FASTKD1: variants seen among roughly 807,000 people sequenced by gnomAD.
The protein encoded by FASTKD1 is FAST kinase domain-containing protein 1, mitochondrial.
Under a neutral mutation model 90.9 loss-of-function variants are expected in FASTKD1, and 94 were observed. The observed-to-expected ratio is 1.03, with a 90% CI of 0.88 to 1.23. The LOEUF (loss-of-function observed/expected upper bound fraction) is 1.23, where lower values mean the gene tolerates loss of function less well. FASTKD1 is among the 50% of genes most tolerant of loss of function. FASTKD1 has a pLI of 0.00. For synonymous variants in FASTKD1, 319 were observed against 345.8 expected (o/e 0.92, Z 0.86); for missense variants, 945 against 993.5 (o/e 0.95, Z 0.66).
intron 12 of FASTKD1, 173 bp from the exon 13 acceptor site, chr2:169,531,663 A>C: frequency 1.9e-6 from 1 of 534,548 alleles, no homozygotes; most frequent in East Asian, 3.0e-5. Flanking sequence ...GTCCAATGGC[A>C]CCTCTCTTTG....
chr2:169,539,517 G>A (rs577863707), intron 10 of FASTKD1, among the ~76,000 whole-genome samples: 7 of 151,560 alleles, frequency 4.6e-5, no homozygotes, highest in African/African-American at 1.2e-4. Flanking sequence ...ACCTATAATC[G>A]CAGCATCTGG....
chr2:169,537,172 T>C, intron 12 of FASTKD1, 55 bp downstream of exon 12: 2 of 1,031,260 alleles, frequency 1.9e-6, no homozygotes, highest in Non-Finnish European at 3.0e-6. Flanking sequence ...AAGATGATTC[T>C]ATTCAAATTA....
intron 3 of FASTKD1, among the ~76,000 whole-genome samples, chr2:169,567,475 GAC>G (rs552765007): frequency 1.7e-3 from 260 of 152,270 alleles, no homozygotes; most frequent in African/African-American, 5.9e-3. Flanking sequence ...TATAAAAGAA[GAC>G]AGATGGGTTT....
At position 169,557,276 on chromosome 2, in the gene FASTKD1, C is replaced by T; in HGVS notation, c.993G>A (p.Leu331=). Residue 331 remains leucine (L), a synonymous_variant, in exon 6 of 15, where the codon TTG becomes TTA. Coordinates refer to ENST00000453153, the MANE Select transcript of FASTKD1 (RefSeq NM_024622.6). ...EKKQLKSTML[L]MSEDLTGEQA... ...GCTCGCCAGTTAGGTCCTCTGACATCAATAACATAGTTGATTTAAGTCTAG... is the reference window on the plus strand; with the variant it reads ...GCTCGCCAGTTAGGTCCTCTGACATTAATAACATAGTTGATTTAAGTCTAG... The T allele has an allele frequency of 6.3e-7, 1 of 1,591,042 alleles. No homozygotes were observed. Among genetic ancestry groups the T allele is most frequent in the Non-Finnish European group, 8.6e-7 (1 of 1,168,034 alleles).
At chr2:169,569,592 T>C (rs1271238827) in intron 2 of FASTKD1, among the ~76,000 whole-genome samples, 3 of 152,220 alleles carry the variant, frequency 2.0e-5, no homozygotes, top group African/African-American at 4.8e-5. Context: ...GGCTCACACC[T>C]GTAATCCCAG....
In FASTKD1 at chr2:169,540,175, T is replaced by C. The variant is rs1166053548; in HGVS notation, c.1821A>G (p.Ile607Met). The C allele has an allele frequency of 6.4e-7, 1 of 1,551,462 alleles. No homozygotes were observed. ...GAAACACTAATATAAAAGGATCCAA[T>C]ATACCTAAAAGAAAATTAAGATTTT... ...CVQHLNSYLG[I>M]LDPFILVFLG... Residue 607 changes from isoleucine to methionine, a missense_variant, in exon 10 of 15, where the codon ATA becomes ATG. By Grantham distance (10) the Ile-to-Met change is conservative. Coordinates refer to ENST00000453153, the MANE Select transcript of FASTKD1 (RefSeq NM_024622.6).
At chr2:169,563,657 A>AT (rs922438663) in intron 3 of FASTKD1, among the ~76,000 whole-genome samples, 1 of 152,144 alleles carries the variant, frequency 6.6e-6, no homozygotes, top group African/African-American at 2.4e-5. Flanking sequence ...AGTGCTATGA[A>AT]TTTTTTTAAT....
chr2:169,540,702 A>G lies in FASTKD1; in HGVS notation c.1817-523T>C, dbSNP rs551466360. Among the ~76,000 whole-genome samples the G allele has an allele frequency of 5.3e-5, 8 of 152,362 alleles. No individual in the cohort carries two copies. The South Asian group carries it at 1.5e-3, about 28-fold the overall frequency. ...TATCTCCACTTTATAAATAAGCATT[A>G]GGAAGCAGAGAGGTTAAATGACTTG... On this transcript the variant is annotated intron_variant, in intron 9 of 14. Coordinates refer to ENST00000453153, the MANE Select transcript of FASTKD1 (RefSeq NM_024622.6).
At chr2:169,567,608 C>T (rs1684044958) in intron 3 of FASTKD1, among the ~76,000 whole-genome samples, 1 of 152,060 alleles carries the variant, frequency 6.6e-6, no homozygotes, top group Non-Finnish European at 1.5e-5. Flanking sequence ...CAGAGTTTAC[C>T]AATATATAAG....
intron 14 of FASTKD1, 73 bp from the exon 15 acceptor site, chr2:169,529,999 C>T: frequency 2.0e-6 from 2 of 991,686 alleles, no homozygotes; most frequent in Non-Finnish European, 3.1e-6. Context: ...GACATATAAG[C>T]ACTACTGATC....
chr2:169,539,773 C>CA lies in FASTKD1; in HGVS notation c.1945+277dup, dbSNP rs1239528716. On this transcript the variant is annotated intron_variant, in intron 10 of 14. Transcript: ENST00000453153. The stretch of plus-strand genomic sequence containing the variant: ...AGTGAGACCCTGTCTCAAAACAAAA[C>CA]AAAAAAACACAGATATATAATCATT... Among the ~76,000 whole-genome samples, 9 of 151,610 alleles carry CA rather than the reference C, an allele frequency of 5.9e-5. No individual in the cohort carries two copies. In the East Asian group the frequency reaches 1.4e-3, roughly 23 times the overall value.
Position 169,563,922 on chromosome 2 carries a change from A to C in FASTKD1, c.447-572T>G, listed in dbSNP as rs551028554. On this transcript the variant is annotated intron_variant, in intron 3 of 14. Transcript: ENST00000453153. ...CATAATGGATAAATCCTTAAAACAT[A>C]CTGAGCAAACTAAACTATAAGGGTA... Among the ~76,000 whole-genome samples the C allele has an allele frequency of 3.3e-5, 5 of 152,330 alleles. No homozygotes were observed. The South Asian group carries it at 8.3e-4, about 25-fold the overall frequency.
chr2:169,571,481 G>C (rs536889939), intron 2 of FASTKD1, among the ~76,000 whole-genome samples, 172 bp downstream of exon 2: 1 of 147,806 alleles, frequency 6.8e-6, no homozygotes, highest in African/African-American at 2.5e-5. Context: ...GGAGAATGGC[G>C]TGAACCTGGG....
chr2:169,550,246 C>T (rs1685427213), intron 7 of FASTKD1, among the ~76,000 whole-genome samples: 1 of 152,068 alleles, frequency 6.6e-6, no homozygotes, highest in African/African-American at 2.4e-5. Context: ...AATTATGGTA[C>T]AGTCATATGA....
At chr2:169,555,290 A>T (rs1328503121) in intron 6 of FASTKD1, 35 bp from the exon 7 acceptor site, 1 of 1,558,642 alleles carries the variant, frequency 6.4e-7, no homozygotes, top group East Asian at 2.3e-5. Flanking sequence ...TAACCAGTTC[A>T]TTCATTTATT....
At chr2:169,570,803 G>A (rs1345289819) in intron 2 of FASTKD1, among the ~76,000 whole-genome samples, 1 of 151,760 alleles carries the variant, frequency 6.6e-6, no homozygotes, top group Non-Finnish European at 1.5e-5. Flanking sequence ...AGCCTCCAGA[G>A]TAGCTGGGAT....
At chr2:169,563,801 T>C (rs1013054022) in intron 3 of FASTKD1, among the ~76,000 whole-genome samples, 1 of 152,094 alleles carries the variant, frequency 6.6e-6, no homozygotes, top group Non-Finnish European at 1.5e-5. Context: ...ACATATGTAA[T>C]AGCAAAACCC....
intron 7 of FASTKD1, among the ~76,000 whole-genome samples, chr2:169,549,200 G>T (rs1286599242): frequency 6.6e-6 from 1 of 152,120 alleles, no homozygotes; most frequent in East Asian, 1.9e-4. Context: ...TTCGAGACCA[G>T]CCTAACCAAC....
intron 3 of FASTKD1, among the ~76,000 whole-genome samples, chr2:169,564,952 C>T (rs116454864): frequency 0.023 from 2,541 of 108,794 alleles, 67 homozygotes; most frequent in East Asian, 0.15. Flanking sequence ...CCACATTTTT[C>T]TTTTTTTTTT....
Sources: gnomAD v4.1 joint callset for allele counts (sites outside exome capture counted in the v4.1 genomes callset) on GRCh38, gnomAD v4.1.1 for gene constraint, MANE v1.5 for transcripts, NCBI Gene and HGNC (gene_info 2026-07-23, HGNC 2026-07-21) for gene names.